The following KCND2 variants were observed in gnomAD, a reference collection of about 807,000 sequenced individuals.
The protein encoded by KCND2 is potassium voltage-gated channel subfamily D member 2, also known as A-type voltage-gated potassium channel KCND2.
KCND2 carries 16 observed loss-of-function variants against 54.4 expected under a neutral mutation model. The observed-to-expected ratio is 0.29, with a 90% confidence interval of 0.20 to 0.45. KCND2 has a LOEUF of 0.45. KCND2 is among the 20% of genes least tolerant of loss of function. The pLI is 1.00. For missense variants in KCND2, 486 were observed against 824.2 expected, an observed-to-expected ratio of 0.59 and a Z score of 5.02; for synonymous variants, 317 against 310.7, an observed-to-expected ratio of 1.02 and a Z score of -0.21.
intron 1 of KCND2, among the ~76,000 whole-genome samples, chr7:120,361,247 T>A (rs567852053): frequency 6.6e-6 from 1 of 152,094 alleles, no homozygotes; most frequent in Non-Finnish European, 1.5e-5. Flanking sequence ...AAGTTCTCTT[T>A]AGCTTGTTCT....
Position 120,701,240 on chromosome 7 carries a change from T to TAAAAA in KCND2, c.1116-31631_1116-31627dup, listed in dbSNP as rs34803439. ...TAGTTGAATGGCTGTAATGCCTAGC[T>TAAAAA]AAAAAAAAAAAAAAAAAAAAAAAAA... On this transcript the variant is annotated intron_variant, in intron 1 of 5. Coordinates refer to ENST00000331113, the MANE Select transcript of KCND2 (RefSeq NM_012281.3). 9.8e-4 allele frequency among the ~76,000 whole-genome samples: 54 copies of TAAAAA among 55,144 alleles called. 6 individuals are homozygous for TAAAAA. The highest frequency in any genetic ancestry group is 0.017 in the Middle Eastern group (1 of 58). 36.2% of individuals were successfully genotyped at this position (55,144 alleles called of 152,430 possible).
chr7:120,627,272 T>A (rs1793175498), intron 1 of KCND2, among the ~76,000 whole-genome samples: 2 of 152,148 alleles, frequency 1.3e-5, no homozygotes. Flanking sequence ...AATAAACATA[T>A]ATTAATATTC....
chr7:120,318,863 G>A (rs1025461802), intron 1 of KCND2, among the ~76,000 whole-genome samples: 1 of 152,152 alleles, frequency 6.6e-6, no homozygotes. Context: ...GAAACAAATA[G>A]AACATCATTC....
intron 1 of KCND2, among the ~76,000 whole-genome samples, chr7:120,295,387 CACACAG>C (rs1433374405): frequency 3.0e-4 from 38 of 127,380 alleles, no homozygotes; most frequent in African/African-American, 5.9e-4. Flanking sequence ...CACACACACA[CACACAG>C]ACACACACAC....
chr7:120,691,230 C>A (rs1302711076), intron 1 of KCND2, among the ~76,000 whole-genome samples: 1 of 152,170 alleles, frequency 6.6e-6, no homozygotes. Context: ...GAAGTAACAG[C>A]TATACAATAT....
intron 1 of KCND2, among the ~76,000 whole-genome samples, chr7:120,365,954 TTTAG>T (rs1800672240): frequency 6.6e-6 from 1 of 152,118 alleles, no homozygotes; most frequent in Non-Finnish European, 1.5e-5. Context: ...TATTACAAAC[TTTAG>T]TTAAAATGTT....
chr7:120,277,665 G>A (rs902495761), intron 1 of KCND2, among the ~76,000 whole-genome samples: 1 of 151,902 alleles, frequency 6.6e-6, no homozygotes, highest in Non-Finnish European at 1.5e-5. Context: ...GACTTGAGAA[G>A]TTAGCATTAT....
intron 1 of KCND2, among the ~76,000 whole-genome samples, chr7:120,637,186 C>A (rs1343215750): frequency 6.6e-6 from 1 of 152,080 alleles, no homozygotes; most frequent in African/African-American, 2.4e-5. Context: ...TCAGAATTTT[C>A]AAATTGAGTC....
chr7:120,306,557 A>G (rs1177652983), intron 1 of KCND2, among the ~76,000 whole-genome samples: 1 of 152,076 alleles, frequency 6.6e-6, no homozygotes, highest in East Asian at 1.9e-4. Flanking sequence ...AATTAGTGAT[A>G]TTTCTTCTTA....
chr7:120,273,283 A>C lies in KCND2; in HGVS notation c.-1350A>C, dbSNP rs555483810. 2.5e-4 allele frequency among the ~76,000 whole-genome samples: 38 copies of C among 151,504 alleles called. No homozygotes were observed. The highest frequency in any genetic ancestry group is 8.9e-4 in the African/African-American group (37 of 41,484). ...AGCCCGGGGAGATGCAGGACCACCC[A>C]CTGGCGGGGAAGCAGCTAGCAGCCC... On this transcript the variant is annotated 5_prime_UTR_variant, in exon 1 of 6. Coordinates refer to ENST00000331113, the MANE Select transcript of KCND2 (RefSeq NM_012281.3).
At chr7:120,629,022 C>A (rs1489459814) in intron 1 of KCND2, among the ~76,000 whole-genome samples, 1 of 152,014 alleles carries the variant, frequency 6.6e-6, no homozygotes, top group South Asian at 2.1e-4. Flanking sequence ...GAAAAATGTA[C>A]GAGGTAAGGG....
At chr7:120,372,557 T>G (rs2116003388) in intron 1 of KCND2, among the ~76,000 whole-genome samples, 1 of 152,040 alleles carries the variant, frequency 6.6e-6, no homozygotes, top group Admixed American at 6.6e-5. Context: ...TTCTCATAGT[T>G]TTCAGACCTA....
intron 1 of KCND2, among the ~76,000 whole-genome samples, chr7:120,661,986 C>A (rs1791871322): frequency 6.6e-6 from 1 of 152,162 alleles, no homozygotes; most frequent in South Asian, 2.1e-4. Context: ...GAAGGGTATC[C>A]TCCCTGTACA....
chr7:120,613,812 C>G (rs935059383), intron 1 of KCND2, among the ~76,000 whole-genome samples: 2 of 152,184 alleles, frequency 1.3e-5, no homozygotes, highest in Non-Finnish European at 2.9e-5. Flanking sequence ...CCCACTTCCT[C>G]GCAAATATAC....
chr7:120,522,962 T>C (rs1156751786), intron 1 of KCND2, among the ~76,000 whole-genome samples: 1 of 152,200 alleles, frequency 6.6e-6, no homozygotes, highest in Non-Finnish European at 1.5e-5. Flanking sequence ...ATTCCTATTC[T>C]CAATTTGTAG....
intron 1 of KCND2, among the ~76,000 whole-genome samples, chr7:120,658,053 G>T (rs1228454739): frequency 6.6e-6 from 1 of 152,076 alleles, no homozygotes; most frequent in Non-Finnish European, 1.5e-5. Context: ...TTAGCTTCTG[G>T]TCTGTATGCT....
chr7:120,347,490 G>A (rs910916191), intron 1 of KCND2, among the ~76,000 whole-genome samples: 2 of 152,158 alleles, frequency 1.3e-5, no homozygotes, highest in African/African-American at 4.8e-5. Context: ...GGGTGCGGTA[G>A]CTCAAGCCTG....
At chr7:120,279,212 T>C (rs1799225902) in intron 1 of KCND2, among the ~76,000 whole-genome samples, 1 of 152,036 alleles carries the variant, frequency 6.6e-6, no homozygotes, top group African/African-American at 2.4e-5. Context: ...CAGTTTACTA[T>C]TGCACCTCAT....
intron 1 of KCND2, among the ~76,000 whole-genome samples, chr7:120,377,793 G>A (rs10953910): frequency 0.1 from 15,494 of 151,838 alleles, 832 homozygotes; most frequent in Admixed American, 0.13. Flanking sequence ...TTCCTGGAAT[G>A]CTCTTTCCCA....
Sources: gnomAD v4.1 joint callset for allele counts (sites outside exome capture counted in the v4.1 genomes callset) on GRCh38, gnomAD v4.1.1 for gene constraint, MANE v1.5 for transcripts, NCBI Gene and HGNC (gene_info 2026-07-23, HGNC 2026-07-21) for gene names.